Variants in SH2D6 observed in about 807,000 individuals in gnomAD.
SH2D6 encodes SH2 domain containing 6.
In SH2D6, 31 loss-of-function variants were observed where a neutral mutation model predicts 30.2. The observed-to-expected ratio is 1.03, with a 90% CI of 0.77 to 1.38. The LOEUF (loss-of-function observed/expected upper bound fraction) is 1.38, where lower values mean the gene tolerates loss of function less well. Among genes scored for constraint, SH2D6 ranks in the 40% most tolerant of loss-of-function variants. SH2D6 has a pLI of 0.00. For missense variants in SH2D6, 240 were observed against 266.8 expected (o/e 0.90, Z 0.70); for synonymous variants, 93 against 104.6 (o/e 0.89, Z 0.68).
chr2:85,428,492 A>T (rs905888158), intron 6 of SH2D6, 92 bp from the exon 7 acceptor site: 9 of 152,226 alleles, frequency 5.9e-5, no homozygotes, highest in Admixed American at 5.9e-4. Flanking sequence ...GGTCATTAAG[A>T]ATAAATGAGG....
At position 85,421,702 on chromosome 2, in the gene SH2D6, G is replaced by C. The variant is rs115749493; in HGVS notation, c.-576-501G>C. On this transcript the variant is annotated intron_variant, in intron 2 of 23. Coordinates refer to ENST00000469800, the MANE Select transcript of SH2D6 (RefSeq NM_001394463.1). ...AATTATGGTGGGAGCTCAGAGAGCG[G>C]GGTAGGAGACTGTCCTGGTCTGGGA... 5.8e-3 allele frequency: 877 copies of C among 152,266 alleles called. 5 individuals are homozygous for C. The highest frequency in any genetic ancestry group is 0.01 in the Non-Finnish European group (689 of 68,060). 9.4% of individuals were successfully genotyped at this position (152,266 alleles called of 1,614,324 possible).
rs1558765600 is a variant in SH2D6, at chr2:85,435,015, AC to A, written c.590-45del. Reference sequence around the variant, plus strand: ...TGTCCCCTAGAAGCCACCTTTGCCCACCCCCACCCCACCCCACCCCACCCCA... The same window carrying A: ...TGTCCCCTAGAAGCCACCTTTGCCCACCCCACCCCACCCCACCCCACCCCA... On this transcript the variant is annotated intron_variant, in intron 19 of 23. Coordinates refer to ENST00000469800, the MANE Select transcript of SH2D6 (RefSeq NM_001394463.1). 15 of 590,270 alleles carry A rather than the reference AC, an allele frequency of 2.5e-5. No individual in the cohort carries two copies. The South Asian group carries it at 3.9e-4, about 15-fold the overall frequency. 36.6% of individuals were successfully genotyped at this position (590,270 alleles called of 1,614,324 possible). A position where few individuals can be genotyped will look rare whatever the true frequency, so the allele number is the denominator to read the frequency against.
chr2:85,419,474 C>T (rs1421853919), intron 2 of SH2D6, among the ~76,000 whole-genome samples: 1 of 152,216 alleles, frequency 6.6e-6, no homozygotes, highest in Non-Finnish European at 1.5e-5. Context: ...TGTGCTGAGG[C>T]CCTACTTCAT....
intron 21 of SH2D6, 70 bp from the exon 22 acceptor site, chr2:85,435,596 C>A (rs1175248334): frequency 1.3e-6 from 2 of 1,580,942 alleles, no homozygotes; most frequent in East Asian, 2.2e-5. Flanking sequence ...AGGGTTCTGG[C>A]CCCATCATGG....
chr2:85,419,563 GTTACACCTGTATCGGGAGCAGTGACACCA>G lies in SH2D6; in HGVS notation c.-577+320_-577+348del, dbSNP rs572382732. On this transcript the variant is annotated intron_variant, in intron 2 of 23. Coordinates refer to ENST00000469800, the MANE Select transcript of SH2D6 (RefSeq NM_001394463.1). Reference sequence around the variant, plus strand: ...TCTGGCTCCCAAGCGGGAGACTCAGGTTACACCTGTATCGGGAGCAGTGACACCACAGTGGCCAGCAACACATTGGACTT... The same window carrying G: ...TCTGGCTCCCAAGCGGGAGACTCAGGCAGTGGCCAGCAACACATTGGACTT... Among the ~76,000 whole-genome samples the G allele has an allele frequency of 3.3e-3, 508 of 152,306 alleles. 1 individual carries two copies. Among genetic ancestry groups the G allele is most frequent in the African/African-American group, 0.012 (484 of 41,572 alleles).
In SH2D6 at chr2:85,432,658, C is replaced by T. The variant is rs187353518; in HGVS notation, c.371-441C>T. Reference sequence around the variant, plus strand: ...CTCGTGATCCGCCTGCCTCGGCCTCCCAAAGTGCTGGGATTACAGGCGTGA... The same window carrying T: ...CTCGTGATCCGCCTGCCTCGGCCTCTCAAAGTGCTGGGATTACAGGCGTGA... On this transcript the variant is annotated intron_variant, in intron 14 of 23. Coordinates refer to ENST00000469800, the MANE Select transcript of SH2D6 (RefSeq NM_001394463.1). Among the ~76,000 whole-genome samples the T allele has an allele frequency of 5.4e-3, 827 of 152,284 alleles. 6 individuals are homozygous for T. The highest frequency in any genetic ancestry group is 0.019 in the African/African-American group (793 of 41,556).
chr2:85,423,914 C>T (rs934421105), intron 5 of SH2D6, among the ~76,000 whole-genome samples: 1 of 152,250 alleles, frequency 6.6e-6, no homozygotes, highest in Non-Finnish European at 1.5e-5. Context: ...GTAGGCCCTT[C>T]CACCAGGAAC....
intron 7 of SH2D6, among the ~76,000 whole-genome samples, 160 bp downstream of exon 7, chr2:85,428,857 A>G (rs1253307839): frequency 6.6e-6 from 1 of 152,230 alleles, no homozygotes; most frequent in Non-Finnish European, 1.5e-5. Context: ...GAGGAAACAC[A>G]CGTAATGCCT....
rs935508059 is a variant in SH2D6, at chr2:85,434,770, G to T, written c.589+273G>T. ...TCCCTGAAGCTCTGACTCCAGCTGA[G>T]ATCAGGCCTGAGGGGACCCTCTTGG... On this transcript the variant is annotated intron_variant, in intron 19 of 23. Transcript: ENST00000469800. 16 of 1,453,210 alleles carry T rather than the reference G, an allele frequency of 1.1e-5. No homozygotes were observed. In the East Asian group the frequency reaches 2.7e-4, roughly 25 times the overall value. 90.0% of individuals were successfully genotyped at this position (1,453,210 alleles called of 1,614,324 possible).
At chr2:85,428,967 C>T (rs1688300912) in intron 7 of SH2D6, among the ~76,000 whole-genome samples, 1 of 152,168 alleles carries the variant, frequency 6.6e-6, no homozygotes, top group Non-Finnish European at 1.5e-5. Flanking sequence ...ATACATCCAT[C>T]AAAAAATGAA....
At chr2:85,432,584 T>C (rs1306845293) in intron 14 of SH2D6, among the ~76,000 whole-genome samples, 1 of 152,004 alleles carries the variant, frequency 6.6e-6, no homozygotes, top group Admixed American at 6.6e-5. Flanking sequence ...GTATTTTTAG[T>C]AGAGACGGGG....
chr2:85,435,291 C>A, intron 20 of SH2D6, 122 bp from the exon 21 acceptor site: 3 of 1,294,350 alleles, frequency 2.3e-6, no homozygotes, highest in Non-Finnish European at 3.3e-6. Flanking sequence ...CTTTGTTCTG[C>A]CTGAGGGGGA....
rs1328419793 is a variant in SH2D6 at position 85,429,417 on chromosome 2, T to C, written c.-49T>C. On this transcript the variant is annotated 5_prime_UTR_variant, in exon 8 of 24. Coordinates refer to ENST00000469800, the MANE Select transcript of SH2D6 (RefSeq NM_001394463.1). The stretch of plus-strand genomic sequence containing the variant: ...AATGGAGCCCTTGTCCCCAGGCCAT[T>C]TGTGGCAGATCCTGGGCTCCAGGGA... 6.6e-6 allele frequency: 1 copy of C among 152,294 alleles called. No homozygotes were observed. Among genetic ancestry groups the C allele is most frequent in the East Asian group, 1.9e-4 (1 of 5,196 alleles). The allele number at this position is 152,294 out of a possible 1,614,324, so 9.4% of individuals were successfully genotyped here.
intron 2 of SH2D6, among the ~76,000 whole-genome samples, chr2:85,420,468 T>G (rs1405899180): frequency 6.6e-6 from 1 of 152,224 alleles, no homozygotes; most frequent in Non-Finnish European, 1.5e-5. Flanking sequence ...AATGTGAGCT[T>G]CTGCATTCCA....
chr2:85,420,575 C>CCAG (rs1243193630), intron 2 of SH2D6, among the ~76,000 whole-genome samples: 2 of 152,254 alleles, frequency 1.3e-5, no homozygotes, highest in Non-Finnish European at 2.9e-5. Context: ...GAAGATCCAA[C>CCAG]CAGCAATCAG....
At chr2:85,427,954 C>T (rs945048159) in intron 6 of SH2D6, among the ~76,000 whole-genome samples, 16 of 152,002 alleles carry the variant, frequency 1.1e-4, no homozygotes, top group Admixed American at 1.0e-3. Flanking sequence ...AGCACGTGGG[C>T]TTTGTTTCTC....
At chr2:85,423,192 TTTTTTTTTG>T (rs1167300817) in intron 5 of SH2D6, among the ~76,000 whole-genome samples, 2 of 110,294 alleles carry the variant, frequency 1.8e-5, no homozygotes, top group African/African-American at 3.1e-5. Flanking sequence ...CCGGCCTGTT[TTTTTTTTTG>T]TTGTTGTTGT....
At position 85,435,483 on chromosome 2, in the gene SH2D6, T is replaced by C; in HGVS notation, c.719T>C (p.Leu240Pro). Residue 240 changes from leucine to proline, a missense_variant, in exon 21 of 24, where the codon CTC (leucine) becomes CCC (proline). Leu to Pro is a moderately conservative substitution (Grantham distance 98). Transcript: ENST00000469800. ...CGCTATGCTGTTGAGAGTGCCCTGC[T>C]CCACTTACAAAAGGTGGGCAGCCAC... is the stretch of plus-strand genomic sequence containing the variant. The part of the protein sequence containing the change: ...CDRYAVESAL[L>P]HLQKDGAYTV... 6.2e-7 allele frequency: 1 copy of C among 1,613,684 alleles called. No individual in the cohort carries two copies. Among genetic ancestry groups the C allele is most frequent in the Non-Finnish European group, 8.5e-7 (1 of 1,179,950 alleles).
rs547869700 is a variant in SH2D6 at position 85,434,023 on chromosome 2, C to T, written c.455-10C>T. On this transcript the variant is annotated splice_polypyrimidine_tract_variant and intron_variant, in intron 16 of 23. Transcript: ENST00000469800. ...CTCAGCCGAGCCCAGCCTGCCCCTC[C>T]CTGTTTCAGTCCTGGCTTTGACTCA... is the stretch of plus-strand genomic sequence containing the variant. 49 of 1,549,910 alleles carry T rather than the reference C, an allele frequency of 3.2e-5. No individual in the cohort carries two copies. In the African/African-American group the frequency reaches 6.6e-4, roughly 21 times the overall value.
Sources: gnomAD v4.1 joint callset for allele counts (sites outside exome capture counted in the v4.1 genomes callset) on GRCh38, gnomAD v4.1.1 for gene constraint, MANE v1.5 for transcripts, NCBI Gene and HGNC (gene_info 2026-07-23, HGNC 2026-07-21) for gene names.